The following BIRC6 variants were observed in gnomAD, a reference collection of about 807,000 sequenced individuals.
BIRC6 encodes dual E2 ubiquitin-conjugating enzyme/E3 ubiquitin-protein ligase BIRC6.
In BIRC6, 98 loss-of-function variants were observed where a neutral mutation model predicts 503.3. The observed-to-expected ratio is 0.19, with a 90% CI of 0.17 to 0.23. The LOEUF (loss-of-function observed/expected upper bound fraction) is 0.23. Ranked by LOEUF, BIRC6 falls within the 10% of genes least tolerant of loss-of-function variation. The pLI, the probability that BIRC6 is intolerant of heterozygous loss-of-function variation, is 1.00. For synonymous variants in BIRC6, 2,240 were observed against 2,078.7 expected (o/e 1.08, Z -2.11); for missense variants, 5,360 against 5,806.0 (o/e 0.92, Z 2.50).
At chr2:32,398,363 G>C (rs1484650189) in intron 6 of BIRC6, among the ~76,000 whole-genome samples, 1 of 152,138 alleles carries the variant, frequency 6.6e-6, no homozygotes, top group East Asian at 1.9e-4. Context: ...CAACAGTTAA[G>C]GGGAATGAAC....
In BIRC6 at chr2:32,549,259, A is replaced by C. The variant is rs572712993; in HGVS notation, c.12976-54A>C. ...CAGATTGAATTTCTAACCTACAATA[A>C]AAACTTTTGAAGTATGTGAAACTGA... is the stretch of plus-strand genomic sequence containing the variant. On this transcript the variant is annotated intron_variant, in intron 64 of 73. Transcript: ENST00000421745. 8 of 1,287,822 alleles carry C rather than the reference A, an allele frequency of 6.2e-6. No homozygotes were observed. In the African/African-American group the frequency reaches 1.2e-4, roughly 19 times the overall value. 79.8% of individuals were successfully genotyped at this position (1,287,822 alleles called of 1,614,324 possible).
chr2:32,461,654 A>G (rs1452800073), intron 23 of BIRC6, among the ~76,000 whole-genome samples: 1 of 151,246 alleles, frequency 6.6e-6, no homozygotes, highest in African/African-American at 2.4e-5. Context: ...TGTTATTGGT[A>G]TATTGTTTAT....
chr2:32,392,265 CTTGT>C, intron 5 of BIRC6, 115 bp downstream of exon 5: 1 of 714,296 alleles, frequency 1.4e-6, no homozygotes, highest in Non-Finnish European at 2.3e-6. Context: ...TGTATGCTTG[CTTGT>C]ATGCATGGAT....
chr2:32,481,918 CTA>C (rs2050447024), intron 38 of BIRC6, among the ~76,000 whole-genome samples: 1 of 152,130 alleles, frequency 6.6e-6, no homozygotes, highest in Admixed American at 6.5e-5. Flanking sequence ...ATAGGTACTA[CTA>C]TTGTAGTTTA....
intron 1 of BIRC6, among the ~76,000 whole-genome samples, chr2:32,364,727 T>C (rs763372286): frequency 1.4e-4 from 21 of 152,042 alleles, no homozygotes; most frequent in Non-Finnish European, 3.1e-4. Context: ...CTTTGTACTT[T>C]ACTGTAGCTT....
chr2:32,441,593 T>C (rs2045442446), intron 17 of BIRC6, 131 bp downstream of exon 17: 1 of 798,034 alleles, frequency 1.3e-6, no homozygotes, highest in East Asian at 2.7e-5. Flanking sequence ...TAAATAATTA[T>C]AATTTTGATG....
intron 10 of BIRC6, among the ~76,000 whole-genome samples, chr2:32,420,123 ATCGT>A (rs1448317377): frequency 6.6e-6 from 1 of 152,190 alleles, no homozygotes; most frequent in Non-Finnish European, 1.5e-5. Context: ...GTTTTTGCAT[ATCGT>A]TCATCAGGGA....
intron 57 of BIRC6, chr2:32,522,513 A>G (rs2055836697): frequency 6.6e-6 from 1 of 152,202 alleles, no homozygotes; most frequent in Admixed American, 6.5e-5. Context: ...TGTTAAGCAC[A>G]TGAAATGAGA....
chr2:32,436,592 G>GT lies in BIRC6; in HGVS notation c.3631+415dup, dbSNP rs912701843. ...AGAGGTATTTTGTTTGTTTGTTTTT[G>GT]TTTTTTTGAGACAGTCTCATTCTGT... On this transcript the variant is annotated intron_variant, in intron 15 of 73. Transcript: ENST00000421745. 5.3e-5 allele frequency among the ~76,000 whole-genome samples: 8 copies of GT among 151,976 alleles called. No homozygotes were observed. In the South Asian group the frequency reaches 1.5e-3, roughly 28 times the overall value.
At chr2:32,424,466 T>C (rs1024064119) in intron 10 of BIRC6, among the ~76,000 whole-genome samples, 1 of 151,972 alleles carries the variant, frequency 6.6e-6, no homozygotes, top group African/African-American at 2.4e-5. Flanking sequence ...TTGTTTTGGG[T>C]ATATACCTAG....
At chr2:32,571,997 T>C (rs1269034313) in intron 65 of BIRC6, among the ~76,000 whole-genome samples, 1 of 152,240 alleles carries the variant, frequency 6.6e-6, no homozygotes, top group Admixed American at 6.5e-5. Flanking sequence ...TCATTCAGTA[T>C]CATGCTGTTT....
chr2:32,478,944 T>G, intron 36 of BIRC6, 126 bp downstream of exon 36: 1 of 869,070 alleles, frequency 1.2e-6, no homozygotes. Flanking sequence ...AAGGTCTGTT[T>G]AATCGGTGTG....
At chr2:32,413,469 C>G (rs949073504) in intron 9 of BIRC6, among the ~76,000 whole-genome samples, 2 of 151,986 alleles carry the variant, frequency 1.3e-5, no homozygotes, top group African/African-American at 4.8e-5. Context: ...CATGAGCCAT[C>G]GCGCCCAGCC....
At position 32,617,733 on chromosome 2, in the gene BIRC6, T is replaced by A. The variant is rs754128594; in HGVS notation, c.14403T>A (p.Thr4801=). Residue 4801 remains threonine (T), a synonymous_variant, in exon 74 of 74, where the codon ACT becomes ACA. Transcript: ENST00000421745. The part of the protein sequence containing the change: ...SHHAAALKRH[T]AQLREELLKL... Reference sequence around the variant, plus strand: ...CCTTTTCTCCTGCATAGCGTCACACTGCTCAGCTCCGCGAAGAGTTGCTGA... The same window carrying A: ...CCTTTTCTCCTGCATAGCGTCACACAGCTCAGCTCCGCGAAGAGTTGCTGA... 6.2e-6 allele frequency: 10 copies of A among 1,613,850 alleles called. No homozygotes were observed. Among genetic ancestry groups the A allele is most frequent in the Non-Finnish European group, 8.5e-6 (10 of 1,179,824 alleles).
At position 32,510,511 on chromosome 2, in the gene BIRC6, A is replaced by G. The variant is rs750272186; in HGVS notation, c.10238-15A>G. On this transcript the variant is annotated splice_polypyrimidine_tract_variant and intron_variant, in intron 52 of 73. Coordinates refer to ENST00000421745, the MANE Select transcript of BIRC6 (RefSeq NM_016252.4). ...CTTATTTAGCAAACTTTTTCTTTGGATTCTTTGTTGCAAGATTTGAATAGT... is the reference window on the plus strand; with the variant it reads ...CTTATTTAGCAAACTTTTTCTTTGGGTTCTTTGTTGCAAGATTTGAATAGT... 2.7e-6 allele frequency: 4 copies of G among 1,480,876 alleles called. No individual in the cohort carries two copies. Among genetic ancestry groups the G allele is most frequent in the Non-Finnish European group, 3.8e-6 (4 of 1,066,126 alleles). The allele number at this position is 1,480,876 out of a possible 1,614,324, so 91.7% of individuals were successfully genotyped here.
intron 65 of BIRC6, among the ~76,000 whole-genome samples, chr2:32,574,150 A>G (rs2060097973): frequency 6.8e-6 from 1 of 147,614 alleles, no homozygotes; most frequent in African/African-American, 2.5e-5. Context: ...GAATCCAAGT[A>G]TAACTTTTTC....
intron 1 of BIRC6, among the ~76,000 whole-genome samples, chr2:32,361,440 C>G (rs1262343657): frequency 6.6e-6 from 1 of 152,174 alleles, no homozygotes; most frequent in African/African-American, 2.4e-5. Context: ...TGCCCTCTAT[C>G]TCTGTGCTCA....
intron 66 of BIRC6, among the ~76,000 whole-genome samples, chr2:32,581,935 T>A (rs2060702565): frequency 6.6e-6 from 1 of 152,166 alleles, no homozygotes; most frequent in African/African-American, 2.4e-5. Context: ...CGATCTTGGC[T>A]CACTGCAAGT....
chr2:32,564,797 C>G (rs1287598920), intron 65 of BIRC6: 2 of 152,256 alleles, frequency 1.3e-5, no homozygotes, highest in Admixed American at 1.3e-4. Context: ...CTGCCCCTCA[C>G]CCCGCTAGGA....
Sources: allele counts gnomAD v4.1 joint callset (sites outside exome capture counted in the v4.1 genomes callset), GRCh38; gene constraint gnomAD v4.1.1; transcripts MANE v1.5; gene names NCBI Gene and HGNC (gene_info 2026-07-23, HGNC 2026-07-21).